The following WNT3 variants were observed in gnomAD, a reference collection of about 807,000 sequenced individuals.
The protein encoded by WNT3 is Wnt family member 3, also known as proto-oncogene Wnt-3.
Under a neutral mutation model 34.2 loss-of-function variants are expected in WNT3, and 7 were observed. The ratio of observed to expected loss-of-function variants is 0.20; its 90% confidence interval spans 0.12 to 0.38. The LOEUF (loss-of-function observed/expected upper bound fraction) is 0.38. Among genes scored for constraint, WNT3 ranks in the 10% least tolerant of loss-of-function variants. The probability of loss-of-function intolerance (pLI) is 1.00; values close to 1 mark genes in which losing one functional copy is unlikely to be tolerated. For synonymous variants in WNT3, 212 were observed against 211.5 expected (o/e 1.00, Z -0.02); for missense variants, 267 against 499.8 (o/e 0.53, Z 4.44).
rs2059337917 is a variant in WNT3 at position 46,768,896 on chromosome 17, G to C, written c.589-97C>G. The stretch of plus-strand genomic sequence containing the variant: ...GCCACTGCCCACCCCCTTCCCTCCA[G>C]CCTTCTCTACTCCTCTGTGACAGGA... On this transcript the variant is annotated intron_variant, in intron 3 of 4. Coordinates refer to ENST00000225512, the MANE Select transcript of WNT3 (RefSeq NM_030753.5). The surrounding 1 kb of genome is among the most constrained non-coding windows in gnomAD (Gnocchi z 5.0). 6.6e-7 allele frequency: 1 copy of C among 1,524,868 alleles called. No individual in the cohort carries two copies. The highest frequency in any genetic ancestry group is 1.4e-5 in the African/African-American group (1 of 73,426). The allele number at this position is 1,524,868 out of a possible 1,614,324, so 94.5% of individuals were successfully genotyped here.
intron 1 of WNT3, among the ~76,000 whole-genome samples, chr17:46,815,178 G>A (rs536137572): frequency 3.3e-5 from 5 of 151,444 alleles, no homozygotes; most frequent in East Asian, 2.0e-4. Flanking sequence ...CCACCCCAGC[G>A]CCCCCAAGAA....
intron 1 of WNT3, among the ~76,000 whole-genome samples, chr17:46,800,404 C>G (rs1394622879): frequency 1.3e-5 from 2 of 152,220 alleles, no homozygotes; most frequent in African/African-American, 4.8e-5. Context: ...AGCCACCATG[C>G]CTGGCCTGAT....
chr17:46,808,183 A>G (rs1359205046), intron 1 of WNT3, among the ~76,000 whole-genome samples: 1 of 152,228 alleles, frequency 6.6e-6, no homozygotes, highest in Non-Finnish European at 1.5e-5. Context: ...TGATTTGATC[A>G]AGGTCGCCCC....
At chr17:46,779,053 T>TCTCACA (rs1310974235) in intron 1 of WNT3, among the ~76,000 whole-genome samples, 14 of 100,612 alleles carry the variant, frequency 1.4e-4, no homozygotes, top group African/African-American at 4.5e-4. Context: ...CCCTACCCCA[T>TCTCACA]CACACACACA....
At chr17:46,780,926 G>A (rs1420238937) in intron 1 of WNT3, among the ~76,000 whole-genome samples, 1 of 152,080 alleles carries the variant, frequency 6.6e-6, no homozygotes, top group Non-Finnish European at 1.5e-5. Context: ...ACATACAGTG[G>A]GACCCTATTC....
Position 46,768,682 on chromosome 17 carries a change from C to T in WNT3, c.706G>A (p.Asp236Asn), listed in dbSNP as rs2059335843. 2.5e-6 allele frequency: 4 copies of T among 1,614,062 alleles called. No homozygotes were observed. Among genetic ancestry groups the T allele is most frequent in the Non-Finnish European group, 3.4e-6 (4 of 1,180,058 alleles). The change falls in exon 4 of 5, where the codon GAC becomes AAC. Residue 236 changes from aspartate to asparagine, a missense_variant. Transcript: ENST00000225512. This position sits in a 1 kb window ranked among gnomAD's most constrained non-coding sequence, Gnocchi z 5.0. ...ATCTCCGAGGCGCTGTCATACTTGT[C>T]CTTGAGGAAGTCACCGATGGCACGG... is the stretch of plus-strand genomic sequence containing the variant. ...DFRAIGDFLK[D>N]KYDSASEMVV...
intron 3 of WNT3, 96 bp downstream of exon 3, chr17:46,769,687 G>A: frequency 1.3e-6 from 2 of 1,537,002 alleles, no homozygotes; most frequent in East Asian, 2.3e-5. Flanking sequence ...GCGACCCACA[G>A]GGCTGCCGGA....
intron 2 of WNT3, among the ~76,000 whole-genome samples, chr17:46,771,266 G>A (rs1041627915): frequency 6.6e-5 from 10 of 152,142 alleles, no homozygotes; most frequent in African/African-American, 2.4e-4. Context: ...ACGGCGGCAA[G>A]GGGGCCCGAC....
chr17:46,774,603 GAGATCTC>G (rs1350113300), intron 1 of WNT3, among the ~76,000 whole-genome samples: 1 of 152,200 alleles, frequency 6.6e-6, no homozygotes, highest in Non-Finnish European at 1.5e-5. Flanking sequence ...AGTCAGAAGG[GAGATCTC>G]AGATCTCACT....
In WNT3 at chr17:46,773,704, C is replaced by G. The variant is rs1452765136; in HGVS notation, c.286G>C (p.Asp96His). 20 of 1,371,560 alleles carry G rather than the reference C, an allele frequency of 1.5e-5. No homozygotes were observed. The highest frequency in any genetic ancestry group is 1.9e-5 in the Non-Finnish European group (20 of 1,028,608). 85.0% of individuals were successfully genotyped at this position (1,371,560 alleles called of 1,614,324 possible). A position where few individuals can be genotyped will look rare whatever the true frequency, so the allele number is the denominator to read the frequency against. ...GRRWNCTTID[D>H]SLAIFGPVLD... ...ACGGGCCCAAAGATGGCCAGGCTGT[C>G]ATCTATGGTGGTGCAGTTCCAGCGG... The change falls in exon 2 of 5, where the codon GAC (aspartate) becomes CAC (histidine). Residue 96 changes from aspartate to histidine, a missense_variant. Around this residue, in one of 3 missense-constraint regions of WNT3, gnomAD observed 181 missense variants for 391.3 expected, o/e 0.46. Transcript: ENST00000225512.
rs2059338291 is a variant in WNT3, at chr17:46,768,956, A to T, written c.589-157T>A. Among the ~76,000 whole-genome samples, 1 of 152,190 alleles carries T rather than the reference A, an allele frequency of 6.6e-6. No homozygotes were observed. The highest frequency in any genetic ancestry group is 2.4e-5 in the African/African-American group (1 of 41,450). On this transcript the variant is annotated intron_variant, in intron 3 of 4. Coordinates refer to ENST00000225512, the MANE Select transcript of WNT3 (RefSeq NM_030753.5). This position sits in a 1 kb window ranked among gnomAD's most constrained non-coding sequence, Gnocchi z 5.0. Reference sequence around the variant, plus strand: ...ATGGGGACTGAGGCAAGACCTAAAGAATAGTGACCATGTTTCCCTCCCCCT... The same window carrying T: ...ATGGGGACTGAGGCAAGACCTAAAGTATAGTGACCATGTTTCCCTCCCCCT...
At position 46,763,944 on chromosome 17, in the gene WNT3, A is replaced by G. The variant is rs1010116118; in HGVS notation, c.*686T>C. ...TGCCCCTCGTGCAGAACAGGGTTAT[A>G]GAGAAAATGAGACTGAGAAGAACAC... On this transcript the variant is annotated 3_prime_UTR_variant, in exon 5 of 5. Transcript: ENST00000225512. The G allele has an allele frequency of 6.6e-6, 1 of 152,196 alleles. No homozygotes were observed. The highest frequency in any genetic ancestry group is 2.4e-5 in the African/African-American group (1 of 41,442). The allele number at this position is 152,196 out of a possible 1,614,324, so 9.4% of individuals were successfully genotyped here.
intron 1 of WNT3, among the ~76,000 whole-genome samples, chr17:46,779,103 A>ACACACACCCCCCC (rs749719578): frequency 4.5e-5 from 6 of 133,660 alleles, no homozygotes; most frequent in East Asian, 5.1e-4. Context: ...ACACACACAC[A>ACACACACCCCCCC]CCCCAGCCCA....
At position 46,768,854 on chromosome 17, in the gene WNT3, C is replaced by A; in HGVS notation, c.589-55G>T. The A allele has an allele frequency of 6.3e-7, 1 of 1,587,610 alleles. No homozygotes were observed. Among genetic ancestry groups the A allele is most frequent in the Non-Finnish European group, 8.5e-7 (1 of 1,169,722 alleles). On this transcript the variant is annotated intron_variant, in intron 3 of 4. Coordinates refer to ENST00000225512, the MANE Select transcript of WNT3 (RefSeq NM_030753.5). The surrounding 1 kb of genome is among the most constrained non-coding windows in gnomAD (Gnocchi z 5.0). ...AGACCGACCCCACGAGGGGGCACAT[C>A]CAGGCCTTCCCTCTCTGCCACTGCC...
At chr17:46,813,011 G>A (rs1256332250) in intron 1 of WNT3, among the ~76,000 whole-genome samples, 1 of 152,162 alleles carries the variant, frequency 6.6e-6, no homozygotes, top group Non-Finnish European at 1.5e-5. Flanking sequence ...AAAGCCAGAT[G>A]TGAATGCAGA....
Position 46,773,701 on chromosome 17 carries a change from T to C in WNT3, c.289A>G (p.Ser97Gly), listed in dbSNP as rs975196820. 2.2e-6 allele frequency: 3 copies of C among 1,359,674 alleles called. No individual in the cohort carries two copies. Among genetic ancestry groups the C allele is most frequent in the Non-Finnish European group, 2.9e-6 (3 of 1,022,470 alleles). 84.2% of individuals were successfully genotyped at this position (1,359,674 alleles called of 1,614,324 possible). The change falls in exon 2 of 5, where the codon AGC becomes GGC. Residue 97 changes from serine to glycine, a missense_variant. Physicochemically the swap from Ser to Gly is moderately conservative, Grantham distance 56. Transcript: ENST00000225512. ...RRWNCTTIDD[S>G]LAIFGPVLDK... Reference sequence around the variant, plus strand: ...AGGACGGGCCCAAAGATGGCCAGGCTGTCATCTATGGTGGTGCAGTTCCAG... The same window carrying C: ...AGGACGGGCCCAAAGATGGCCAGGCCGTCATCTATGGTGGTGCAGTTCCAG...
In WNT3 at chr17:46,768,303, G is replaced by T; in HGVS notation, c.*8+9C>A. The T allele has an allele frequency of 6.2e-7, 1 of 1,613,088 alleles. No homozygotes were observed. The highest frequency in any genetic ancestry group is 1.7e-4 in the Middle Eastern group (1 of 5,792). ...CTCCCAGCCTCCCCCCTGCTTCCCG[G>T]AGCCCTACCTGGTGCCCTACTTGCA... is the stretch of plus-strand genomic sequence containing the variant. On this transcript the variant is annotated intron_variant, in intron 4 of 4. Coordinates refer to ENST00000225512, the MANE Select transcript of WNT3 (RefSeq NM_030753.5). The surrounding 1 kb of genome is among the most constrained non-coding windows in gnomAD (Gnocchi z 5.0).
intron 1 of WNT3, among the ~76,000 whole-genome samples, chr17:46,779,208 C>T (rs2059440049): frequency 6.6e-6 from 1 of 152,198 alleles, no homozygotes. Context: ...TGATGCCCCT[C>T]ACTCGCCAGA....
intron 2 of WNT3, 30 bp from the exon 3 acceptor site, chr17:46,770,078 C>T: frequency 6.6e-7 from 1 of 1,519,142 alleles, no homozygotes; most frequent in Non-Finnish European, 8.8e-7. Flanking sequence ...AGGCAGCACT[C>T]AGGACCCGGC....
Sources: allele counts gnomAD v4.1 joint callset (sites outside exome capture counted in the v4.1 genomes callset), GRCh38; gene constraint gnomAD v4.1.1; regional missense constraint gnomAD v4.1.1; non-coding constraint Gnocchi (gnomAD v3.1); transcripts MANE v1.5; gene names NCBI Gene and HGNC (gene_info 2026-07-23, HGNC 2026-07-21).